Variants in EML5 observed in about 807,000 individuals in gnomAD.
EML5 encodes EMAP like 5, also known as echinoderm microtubule-associated protein-like 5.
In EML5, 120 loss-of-function variants were observed where a neutral mutation model predicts 250.0. The ratio of observed to expected loss-of-function variants is 0.48; its 90% CI spans 0.41 to 0.56. The LOEUF (loss-of-function observed/expected upper bound fraction) is 0.56. Among genes scored for constraint, EML5 ranks in the 20% least tolerant of loss-of-function variants. The pLI is 0.00. For missense variants in EML5, 2,006 were observed against 2,437.6 expected (o/e 0.82, Z 3.73); for synonymous variants, 771 against 806.5 (o/e 0.96, Z 0.75).
chr14:88,652,887 G>A (rs1050091540), intron 27 of EML5, among the ~76,000 whole-genome samples: 14 of 152,126 alleles, frequency 9.2e-5, no homozygotes, highest in African/African-American at 3.1e-4. Context: ...ATTACTTTGG[G>A]CAGTATGGCC....
Position 88,738,866 on chromosome 14 carries a change from G to C in EML5, c.847+13C>G. 16 of 1,552,890 alleles carry C rather than the reference G, an allele frequency of 1.0e-5. No individual in the cohort carries two copies. Among genetic ancestry groups the C allele is most frequent in the Non-Finnish European group, 1.2e-5 (14 of 1,148,560 alleles). On this transcript the variant is annotated intron_variant, in intron 6 of 43. Coordinates refer to ENST00000554922, the MANE Select transcript of EML5 (RefSeq NM_183387.3). ...GAGTTTGCCTAGTAATAAGACATTT[G>C]TTTTGTTATTACCTTTGTATCCCTG...
chr14:88,702,414 T>C, intron 14 of EML5, 32 bp downstream of exon 14: 1 of 1,548,002 alleles, frequency 6.5e-7, no homozygotes. Context: ...AGGTGTAGCT[T>C]ATCTGGCTTA....
chr14:88,744,351 T>A (rs11851569), intron 3 of EML5, among the ~76,000 whole-genome samples: 6 of 152,152 alleles, frequency 3.9e-5, no homozygotes, highest in South Asian at 4.1e-4. Context: ...TTTTAATTTT[T>A]AAAAAAATTT....
intron 1 of EML5, among the ~76,000 whole-genome samples, chr14:88,763,274 G>T (rs1372272953): frequency 1.3e-5 from 2 of 151,540 alleles, no homozygotes; most frequent in East Asian, 3.9e-4. Flanking sequence ...TAATAAAGAA[G>T]AAAAGAGAGA....
intron 1 of EML5, among the ~76,000 whole-genome samples, chr14:88,776,468 T>C (rs1388586886): frequency 2.6e-5 from 4 of 151,984 alleles, no homozygotes; most frequent in Admixed American, 6.6e-5. Context: ...AAAAATACAA[T>C]TGACATACTG....
intron 2 of EML5, among the ~76,000 whole-genome samples, chr14:88,746,777 T>C (rs552836131): frequency 6.6e-6 from 1 of 152,196 alleles, no homozygotes; most frequent in East Asian, 1.9e-4. Context: ...GGGATTTGAA[T>C]TGCAGACCGC....
At chr14:88,783,998 T>A (rs2094525131) in intron 1 of EML5, among the ~76,000 whole-genome samples, 1 of 152,068 alleles carries the variant, frequency 6.6e-6, no homozygotes, top group Non-Finnish European at 1.5e-5. Context: ...TAGAAATTAA[T>A]AACAAGAGGA....
chr14:88,665,389 A>G lies in EML5; in HGVS notation c.3225T>C (p.Leu1075=), dbSNP rs762622692. 1.2e-6 allele frequency: 2 copies of G among 1,613,908 alleles called. No individual in the cohort carries two copies. Among genetic ancestry groups the G allele is most frequent in the East Asian group, 2.2e-5 (1 of 44,862 alleles). The part of the protein sequence containing the change: ...LMANADTLED[L]VSFHHRKDMI... ...TATCTTTTCTGTGATGAAAAGACAC[A>G]AGATCCTCTAGAGTATCCGCATTTG... The change falls in exon 22 of 44, where the codon CTT becomes CTC. Residue 1075 remains leucine (L), a synonymous_variant. Coordinates refer to ENST00000554922, the MANE Select transcript of EML5 (RefSeq NM_183387.3).
chr14:88,785,709 G>T (rs1311149405), intron 1 of EML5, among the ~76,000 whole-genome samples: 1 of 151,604 alleles, frequency 6.6e-6, no homozygotes, highest in Non-Finnish European at 1.5e-5. Context: ...ATAAAAATTT[G>T]CTCTTTTGTC....
chr14:88,772,825 A>G (rs551390343), intron 1 of EML5, among the ~76,000 whole-genome samples: 19 of 151,698 alleles, frequency 1.3e-4, no homozygotes, highest in African/African-American at 1.7e-4. Flanking sequence ...TGTTCACTAC[A>G]CTCCAGCTAC....
At position 88,658,320 on chromosome 14, in the gene EML5, A is replaced by AT. The variant is rs1163840805; in HGVS notation, c.3743dup (p.Tyr1248Ter). ...STHVTNVRWT[Y>*]DDSMLVTLGG... ...CTAGGGTAACCAACATGCTGTCATC[A>AT]TAAGTCCAGCGAACATTTGTGACAT... Residue 1248 changes from tyrosine to a stop codon, truncating the protein, a stop_gained and frameshift_variant, in exon 26 of 44, where the codon TAT (tyrosine) becomes TAAT (stop). Coordinates refer to ENST00000554922, the MANE Select transcript of EML5 (RefSeq NM_183387.3). LOFTEE classifies it high-confidence loss of function. 6.2e-7 allele frequency: 1 copy of AT among 1,613,898 alleles called. No individual in the cohort carries two copies. Among genetic ancestry groups the AT allele is most frequent in the South Asian group, 1.1e-5 (1 of 91,082 alleles).
chr14:88,639,788 C>A (rs1032529716), intron 31 of EML5, among the ~76,000 whole-genome samples: 1 of 152,006 alleles, frequency 6.6e-6, no homozygotes, highest in African/African-American at 2.4e-5. Flanking sequence ...GCTGTGTTGG[C>A]CAGGCTGGTC....
chr14:88,654,229 C>A (rs1438617721), intron 27 of EML5, among the ~76,000 whole-genome samples: 1 of 152,100 alleles, frequency 6.6e-6, no homozygotes, highest in Non-Finnish European at 1.5e-5. Flanking sequence ...TTTCAAAAAA[C>A]CAGCTCCTGG....
At chr14:88,693,844 C>T (rs1466258087) in intron 17 of EML5, among the ~76,000 whole-genome samples, 1 of 139,524 alleles carries the variant, frequency 7.2e-6, no homozygotes, top group Non-Finnish European at 1.5e-5. Flanking sequence ...GATCACAGCT[C>T]ACTGCAGCCT....
At chr14:88,718,982 T>C (rs909492802) in intron 8 of EML5, among the ~76,000 whole-genome samples, 1 of 152,134 alleles carries the variant, frequency 6.6e-6, no homozygotes, top group East Asian at 1.9e-4. Flanking sequence ...AAATTTTAAA[T>C]GAATGTGTGA....
At chr14:88,701,773 G>A (rs2093215261) in intron 14 of EML5, among the ~76,000 whole-genome samples, 1 of 152,094 alleles carries the variant, frequency 6.6e-6, no homozygotes, top group Non-Finnish European at 1.5e-5. Context: ...TTGATCTTAA[G>A]CAAATTATTT....
chr14:88,768,968 A>G (rs1366173300), intron 1 of EML5, among the ~76,000 whole-genome samples: 1 of 152,230 alleles, frequency 6.6e-6, no homozygotes, highest in East Asian at 1.9e-4. Flanking sequence ...AGCCATAGAT[A>G]ATATGTAAAC....
intron 2 of EML5, among the ~76,000 whole-genome samples, chr14:88,750,371 T>C (rs1381401600): frequency 1.3e-5 from 2 of 152,132 alleles, no homozygotes; most frequent in African/African-American, 4.8e-5. Flanking sequence ...TGTTATTTAA[T>C]GTTTGCTTCA....
chr14:88,618,374 A>G (rs747616395), intron 40 of EML5, 43 bp from the exon 41 acceptor site: 3 of 1,555,372 alleles, frequency 1.9e-6, no homozygotes, highest in Non-Finnish European at 2.7e-6. Flanking sequence ...CCATTAGGTG[A>G]GAGACAAAAT....
Sources: allele counts gnomAD v4.1 joint callset (sites outside exome capture counted in the v4.1 genomes callset), GRCh38; gene constraint gnomAD v4.1.1; transcripts MANE v1.5; gene names NCBI Gene and HGNC (gene_info 2026-07-23, HGNC 2026-07-21).